Variants in PTPRK observed in about 807,000 individuals in gnomAD.
The protein encoded by PTPRK is protein tyrosine phosphatase receptor type K, also known as receptor-type tyrosine-protein phosphatase kappa.
PTPRK carries 75 observed loss-of-function variants against 178.0 expected under a neutral mutation model. The observed-to-expected ratio is 0.42, with a 90% CI of 0.35 to 0.51. PTPRK has a LOEUF of 0.51. Ranked by LOEUF, PTPRK falls within the 20% of genes least tolerant of loss-of-function variation. PTPRK has a pLI of 0.02. For synonymous variants in PTPRK, 637 were observed against 620.6 expected (o/e 1.03, Z -0.39); for missense variants, 1,441 against 1,797.8 (o/e 0.80, Z 3.59).
At chr6:127,992,783 G>A in intron 18 of PTPRK, 74 bp from the exon 19 acceptor site, 1 of 1,181,520 alleles carries the variant, frequency 8.5e-7, no homozygotes, top group African/African-American at 1.6e-5. Flanking sequence ...ATAAAAAGAT[G>A]AAGACAACCA....
At chr6:128,233,695 C>T (rs1204354053) in intron 5 of PTPRK, among the ~76,000 whole-genome samples, 2 of 152,188 alleles carry the variant, frequency 1.3e-5, no homozygotes, top group African/African-American at 2.4e-5. Context: ...GGCAGGCCCA[C>T]GGAGGAGGCA....
At chr6:128,140,919 A>T (rs888131885) in intron 7 of PTPRK, among the ~76,000 whole-genome samples, 18 of 152,042 alleles carry the variant, frequency 1.2e-4, no homozygotes, top group Admixed American at 2.6e-4. Context: ...TTTACACAAA[A>T]GTAGAAGACT....
At chr6:128,384,235 G>A (rs765428659) in intron 2 of PTPRK, among the ~76,000 whole-genome samples, 15 of 152,080 alleles carry the variant, frequency 9.9e-5, no homozygotes, top group Admixed American at 3.9e-4. Flanking sequence ...TGTTCCACAC[G>A]CACGATAGTC....
intron 6 of PTPRK, among the ~76,000 whole-genome samples, chr6:128,187,124 T>C (rs1482403858): frequency 2.0e-5 from 3 of 152,130 alleles, no homozygotes; most frequent in Non-Finnish European, 2.9e-5. Context: ...CCTGAACTTA[T>C]GTGAGTATAT....
chr6:128,320,009 G>A (rs2128320094), intron 3 of PTPRK, among the ~76,000 whole-genome samples: 1 of 152,214 alleles, frequency 6.6e-6, no homozygotes, highest in East Asian at 1.9e-4. Flanking sequence ...AATTATCTAT[G>A]GCTCAAATTT....
chr6:128,000,064 T>C (rs1777623586), intron 15 of PTPRK: 1 of 973,478 alleles, frequency 1.0e-6, no homozygotes, highest in South Asian at 4.6e-5. Flanking sequence ...ATTTATCACA[T>C]TTAAACTTAC....
intron 2 of PTPRK, among the ~76,000 whole-genome samples, chr6:128,365,310 G>A (rs1835333328): frequency 6.6e-6 from 1 of 152,036 alleles, no homozygotes; most frequent in Non-Finnish European, 1.5e-5. Flanking sequence ...AACAATCAAA[G>A]TCATTTGGTC....
chr6:128,162,261 T>C (rs552712978), intron 7 of PTPRK, among the ~76,000 whole-genome samples: 97 of 151,862 alleles, frequency 6.4e-4, no homozygotes, highest in African/African-American at 2.2e-3. Flanking sequence ...ATGTATGATA[T>C]ATAATACAGC....
chr6:128,214,679 T>G (rs577192465), intron 6 of PTPRK, among the ~76,000 whole-genome samples: 13 of 152,158 alleles, frequency 8.5e-5, no homozygotes, highest in African/African-American at 3.1e-4. Flanking sequence ...TGGCTTAGGA[T>G]AGAAGCCAAA....
intron 5 of PTPRK, among the ~76,000 whole-genome samples, chr6:128,233,440 A>C (rs1356388254): frequency 2.0e-5 from 3 of 152,186 alleles, no homozygotes. Context: ...AACCGCTTTC[A>C]CTGCCCCTTC....
intron 1 of PTPRK, among the ~76,000 whole-genome samples, chr6:128,455,063 T>C (rs952693545): frequency 6.6e-6 from 1 of 152,178 alleles, no homozygotes; most frequent in Non-Finnish European, 1.5e-5. Context: ...AAACAAACTA[T>C]TCTAAGTAAC....
intron 2 of PTPRK, among the ~76,000 whole-genome samples, chr6:128,391,148 A>G (rs1264066664): frequency 1.3e-5 from 2 of 151,984 alleles, no homozygotes; most frequent in African/African-American, 4.8e-5. Context: ...CTATTACTTA[A>G]AAAAAAATCT....
At chr6:128,266,866 G>A (rs1192808952) in intron 3 of PTPRK, among the ~76,000 whole-genome samples, 4 of 152,192 alleles carry the variant, frequency 2.6e-5, no homozygotes, top group Admixed American at 6.5e-5. Context: ...AAACTGAAGT[G>A]GGATGTGAAG....
chr6:128,248,692 T>C (rs17055488), intron 3 of PTPRK, among the ~76,000 whole-genome samples: 10,653 of 152,108 alleles, frequency 0.07, 1,017 homozygotes, highest in African/African-American at 0.22. Context: ...AAGTGGAAAC[T>C]ATATTGGACA....
intron 7 of PTPRK, among the ~76,000 whole-genome samples, chr6:128,143,222 C>G (rs1325127466): frequency 1.3e-5 from 2 of 152,046 alleles, no homozygotes; most frequent in African/African-American, 4.8e-5. Flanking sequence ...AACTCAGCAA[C>G]TCCCCACCCT....
chr6:128,197,954 C>T (rs75650667), intron 6 of PTPRK, among the ~76,000 whole-genome samples: 1 of 151,994 alleles, frequency 6.6e-6, no homozygotes, highest in African/African-American at 2.4e-5. Context: ...TAGGTGCCAC[C>T]ATTTCCAATT....
At chr6:128,473,361 TG>T (rs1454482225) in intron 1 of PTPRK, among the ~76,000 whole-genome samples, 1 of 151,484 alleles carries the variant, frequency 6.6e-6, no homozygotes, top group Non-Finnish European at 1.5e-5. Context: ...CTCCCCTCAG[TG>T]ATATTAATTT....
chr6:128,120,580 T>A (rs556168736), intron 7 of PTPRK, among the ~76,000 whole-genome samples: 23 of 152,110 alleles, frequency 1.5e-4, no homozygotes, highest in Admixed American at 3.3e-4. Context: ...TTGTATTTTA[T>A]GTATGTATTG....
intron 7 of PTPRK, among the ~76,000 whole-genome samples, chr6:128,106,889 T>A (rs1789808375): frequency 6.6e-6 from 1 of 152,154 alleles, no homozygotes; most frequent in Admixed American, 6.5e-5. Context: ...TAATTCTTTC[T>A]TGGAATATTT....
Sources: allele counts gnomAD v4.1 joint callset (sites outside exome capture counted in the v4.1 genomes callset), GRCh38; gene constraint gnomAD v4.1.1; transcripts MANE v1.5; gene names NCBI Gene and HGNC (gene_info 2026-07-23, HGNC 2026-07-21).